The following B3GALT1 variants were observed in gnomAD, a reference collection of about 807,000 sequenced individuals.
B3GALT1 encodes beta-1,3-galactosyltransferase 1.
A neutral mutation model predicts 23.2 loss-of-function variants in B3GALT1; 10 were observed. The observed-to-expected ratio is 0.43, with a 90% confidence interval of 0.27 to 0.73. B3GALT1 has a LOEUF of 0.73. B3GALT1 is among the 30% of genes least tolerant of loss of function. The pLI is 0.21. For synonymous variants in B3GALT1, 156 were observed against 141.5 expected (o/e 1.10, Z -0.73); for missense variants, 299 against 405.4 (o/e 0.74, Z 2.25).
chr2:167,700,398 A>G (rs1181382600), intron 3 of B3GALT1, among the ~76,000 whole-genome samples: 1 of 152,194 alleles, frequency 6.6e-6, no homozygotes, highest in Non-Finnish European at 1.5e-5. Context: ...GAAATAATCT[A>G]GAGAATCACT....
intron 1 of B3GALT1, among the ~76,000 whole-genome samples, chr2:167,388,018 G>A (rs1230213926): frequency 1.3e-5 from 2 of 152,132 alleles, no homozygotes; most frequent in Non-Finnish European, 2.9e-5. Context: ...AACAAATATT[G>A]AATGTTTTTG....
At chr2:167,662,558 C>G (rs1484163966) in intron 3 of B3GALT1, among the ~76,000 whole-genome samples, 1 of 152,078 alleles carries the variant, frequency 6.6e-6, no homozygotes, top group East Asian at 1.9e-4. Context: ...TTATAATAGC[C>G]GATTTACTAC....
At chr2:167,492,340 T>C (rs1177648086) in intron 2 of B3GALT1, among the ~76,000 whole-genome samples, 1 of 152,236 alleles carries the variant, frequency 6.6e-6, no homozygotes, top group Non-Finnish European at 1.5e-5. Context: ...CTGAATAATA[T>C]TTCATTGGAC....
intron 1 of B3GALT1, among the ~76,000 whole-genome samples, chr2:167,400,856 A>G (rs1346225991): frequency 6.6e-6 from 1 of 152,156 alleles, no homozygotes; most frequent in East Asian, 1.9e-4. Flanking sequence ...CTGCATTCAC[A>G]GACAGGAAAC....
At chr2:167,604,451 A>T (rs1028519794) in intron 2 of B3GALT1, among the ~76,000 whole-genome samples, 1 of 152,232 alleles carries the variant, frequency 6.6e-6, no homozygotes, top group Non-Finnish European at 1.5e-5. Context: ...TTTACATAGA[A>T]TCGCATAATC....
chr2:167,480,648 A>G (rs771921385), intron 1 of B3GALT1, among the ~76,000 whole-genome samples: 9 of 152,200 alleles, frequency 5.9e-5, no homozygotes, highest in Admixed American at 2.6e-4. Flanking sequence ...GGCGGGGACT[A>G]TCTTAGGCCT....
intron 1 of B3GALT1, among the ~76,000 whole-genome samples, chr2:167,343,966 C>T (rs59899923): frequency 0.013 from 2,052 of 152,226 alleles, 29 homozygotes; most frequent in Admixed American, 0.035. Context: ...AGCTGGATCA[C>T]GGTTTAAAAC....
intron 2 of B3GALT1, among the ~76,000 whole-genome samples, chr2:167,611,017 G>T (rs1291652933): frequency 2.6e-5 from 4 of 151,426 alleles, no homozygotes; most frequent in African/African-American, 9.7e-5. Flanking sequence ...GGTGAAGGGT[G>T]GCTGGAGGGA....
intron 3 of B3GALT1, among the ~76,000 whole-genome samples, chr2:167,741,295 G>A (rs1186570532): frequency 6.6e-6 from 1 of 152,156 alleles, no homozygotes; most frequent in Non-Finnish European, 1.5e-5. Flanking sequence ...TGGGTGTTTG[G>A]TTACTTATCA....
At chr2:167,463,135 T>C (rs1257045058) in intron 1 of B3GALT1, among the ~76,000 whole-genome samples, 1 of 152,182 alleles carries the variant, frequency 6.6e-6, no homozygotes, top group Admixed American at 6.5e-5. Context: ...TTATTTTGTC[T>C]GTTTCTGATA....
intron 2 of B3GALT1, among the ~76,000 whole-genome samples, chr2:167,567,429 A>G (rs1263456042): frequency 6.6e-6 from 1 of 152,168 alleles, no homozygotes; most frequent in African/African-American, 2.4e-5. Flanking sequence ...ATTGGAAAAA[A>G]GGGATCATTC....
chr2:167,554,433 A>G (rs1418684583), intron 2 of B3GALT1, among the ~76,000 whole-genome samples: 1 of 152,206 alleles, frequency 6.6e-6, no homozygotes, highest in Non-Finnish European at 1.5e-5. Context: ...CAGCGGTAGG[A>G]TGACCAGGTA....
chr2:167,708,924 AT>A (rs970599338), intron 3 of B3GALT1, among the ~76,000 whole-genome samples: 3 of 152,134 alleles, frequency 2.0e-5, no homozygotes, highest in African/African-American at 7.2e-5. Flanking sequence ...ATTACTGTCT[AT>A]TTTGCTTTAA....
chr2:167,847,570 C>T (rs13425415), intron 4 of B3GALT1, among the ~76,000 whole-genome samples: 1 of 152,116 alleles, frequency 6.6e-6, no homozygotes, highest in Non-Finnish European at 1.5e-5. Context: ...ACCAAAGCCT[C>T]TGGAATACAG....
At chr2:167,726,122 T>C (rs941252577) in intron 3 of B3GALT1, among the ~76,000 whole-genome samples, 11 of 152,316 alleles carry the variant, frequency 7.2e-5, no homozygotes, top group Non-Finnish European at 1.0e-4. Context: ...TGGCTTCCCT[T>C]GGAGCTATCC....
chr2:167,371,847 CAG>C (rs1337290772), intron 1 of B3GALT1, among the ~76,000 whole-genome samples: 32 of 151,804 alleles, frequency 2.1e-4, no homozygotes, highest in Admixed American at 4.6e-4. Flanking sequence ...AAATTTTAAT[CAG>C]AGGTAAAATT....
At chr2:167,298,051 C>T (rs1696384558) in intron 1 of B3GALT1, among the ~76,000 whole-genome samples, 1 of 152,042 alleles carries the variant, frequency 6.6e-6, no homozygotes, top group Non-Finnish European at 1.5e-5. Flanking sequence ...CTTCTTTCTG[C>T]CTAAATGCAA....
chr2:167,392,727 C>A (rs1169834580), intron 1 of B3GALT1, among the ~76,000 whole-genome samples: 5 of 152,068 alleles, frequency 3.3e-5, no homozygotes, highest in Non-Finnish European at 7.4e-5. Flanking sequence ...CATAAATTAT[C>A]ACAAAAGAAG....
chr2:167,793,965 T>A (rs59189536), intron 3 of B3GALT1, among the ~76,000 whole-genome samples: 14,819 of 152,234 alleles, frequency 0.097, 1,049 homozygotes, highest in African/African-American at 0.19. Flanking sequence ...TTCCCTTTTT[T>A]CTTCACAACC....
Sources: gnomAD v4.1 joint callset for allele counts (sites outside exome capture counted in the v4.1 genomes callset) on GRCh38, gnomAD v4.1.1 for gene constraint, MANE v1.5 for transcripts, NCBI Gene and HGNC (gene_info 2026-07-23, HGNC 2026-07-21) for gene names.